Variants in MAGI2 observed in about 807,000 individuals in gnomAD.
The protein encoded by MAGI2 is membrane-associated guanylate kinase, WW and PDZ domain-containing protein 2.
A neutral mutation model predicts 133.3 loss-of-function variants in MAGI2; 35 were observed. The observed-to-expected ratio is 0.26, with a 90% CI of 0.20 to 0.35. The LOEUF is 0.35. MAGI2 is among the 10% of genes least tolerant of loss of function. MAGI2 has a pLI of 1.00. For synonymous variants in MAGI2, 729 were observed against 710.6 expected, an observed-to-expected ratio of 1.03 and a Z score of -0.41; for missense variants, 1,636 against 1,863.4, an observed-to-expected ratio of 0.88 and a Z score of 2.25.
chr7:78,494,632 TC>T (rs1169466407), intron 5 of MAGI2, among the ~76,000 whole-genome samples: 1 of 152,214 alleles, frequency 6.6e-6, no homozygotes, highest in African/African-American at 2.4e-5. Flanking sequence ...CTTTCTGTTT[TC>T]TTTTCTTCTT....
intron 16 of MAGI2, among the ~76,000 whole-genome samples, chr7:78,140,087 G>A (rs780854469): frequency 6.7e-4 from 102 of 152,132 alleles, no homozygotes; most frequent in Non-Finnish European, 1.3e-3. Flanking sequence ...TCTCTTCTGG[G>A]ACCTTGTATA....
chr7:78,446,286 TAATTTTTAA>T (rs1384051552), intron 6 of MAGI2, among the ~76,000 whole-genome samples: 5 of 152,166 alleles, frequency 3.3e-5, no homozygotes, highest in African/African-American at 1.2e-4. Context: ...TCTCAAGACT[TAATTTTTAA>T]AATTTTTAAA....
intron 1 of MAGI2, among the ~76,000 whole-genome samples, chr7:79,419,181 T>C (rs1346623604): frequency 1.3e-5 from 2 of 152,072 alleles, no homozygotes; most frequent in African/African-American, 4.8e-5. Flanking sequence ...ATCTCTTGTT[T>C]TCTCCTTTGT....
chr7:78,127,281 G>A lies in MAGI2; in HGVS notation c.3339C>T (p.Asp1113=), dbSNP rs1418496465. The A allele has an allele frequency of 6.2e-7, 1 of 1,608,060 alleles. No homozygotes were observed. Residue 1113 remains aspartate, a synonymous_variant, in exon 19 of 22, where the codon GAC becomes GAT. Coordinates refer to ENST00000354212, the MANE Select transcript of MAGI2 (RefSeq NM_012301.4). ...GGDYQQPPPL[D]YRQPPLLDYR... is the part of the protein sequence containing the mutation. ...AGTCCAGTAGGGGAGGCTGCCTGTAGTCCAAGGGTGGGGGCTGCTGGTAGT... is the reference window on the plus strand; with the variant it reads ...AGTCCAGTAGGGGAGGCTGCCTGTAATCCAAGGGTGGGGGCTGCTGGTAGT...
chr7:79,429,339 G>C (rs1023161211), intron 1 of MAGI2, among the ~76,000 whole-genome samples: 1 of 151,536 alleles, frequency 6.6e-6, no homozygotes, highest in Non-Finnish European at 1.5e-5. Flanking sequence ...GTCTCACTCT[G>C]TCACCCAGGC....
chr7:79,283,162 G>A (rs1020701717), intron 1 of MAGI2, among the ~76,000 whole-genome samples: 5 of 151,848 alleles, frequency 3.3e-5, no homozygotes, highest in African/African-American at 9.7e-5. Context: ...GTTCCCTCAG[G>A]GTTCAGAAAT....
chr7:79,444,153 G>A (rs1165861043), intron 1 of MAGI2, among the ~76,000 whole-genome samples: 2 of 152,106 alleles, frequency 1.3e-5, no homozygotes, highest in African/African-American at 4.8e-5. Flanking sequence ...AGGTATTGAT[G>A]GGACGTATCT....
At chr7:79,057,362 G>A (rs1054780259) in intron 1 of MAGI2, among the ~76,000 whole-genome samples, 1 of 152,078 alleles carries the variant, frequency 6.6e-6, no homozygotes, top group Admixed American at 6.5e-5. Flanking sequence ...ATTGAAAAAT[G>A]CTTCCCAATT....
intron 2 of MAGI2, among the ~76,000 whole-genome samples, chr7:78,636,731 G>C (rs936946265): frequency 1.3e-5 from 2 of 152,098 alleles, no homozygotes; most frequent in Non-Finnish European, 2.9e-5. Context: ...CCGGGAGGCG[G>C]GGTTTACAGT....
intron 1 of MAGI2, among the ~76,000 whole-genome samples, chr7:79,058,447 C>T (rs1289935949): frequency 6.6e-6 from 1 of 152,090 alleles, no homozygotes; most frequent in Non-Finnish European, 1.5e-5. Context: ...ATAGTAAGAG[C>T]TGGACATGTA....
At chr7:79,422,834 A>G (rs375351971) in intron 1 of MAGI2, among the ~76,000 whole-genome samples, 13 of 152,190 alleles carry the variant, frequency 8.5e-5, no homozygotes, top group African/African-American at 2.4e-4. Flanking sequence ...ATAGAATGCC[A>G]AGGTAGATAG....
intron 1 of MAGI2, among the ~76,000 whole-genome samples, chr7:79,420,731 A>G (rs1278847566): frequency 6.6e-6 from 1 of 151,968 alleles, no homozygotes; most frequent in Non-Finnish European, 1.5e-5. Flanking sequence ...TTCATGGTCC[A>G]CTAATATTTA....
intron 1 of MAGI2, among the ~76,000 whole-genome samples, chr7:79,151,690 G>A (rs1172560054): frequency 6.6e-6 from 1 of 152,114 alleles, no homozygotes; most frequent in Non-Finnish European, 1.5e-5. Context: ...CTGGACTTCA[G>A]CAGAACATAA....
chr7:78,829,373 G>T (rs1790938807), intron 2 of MAGI2, among the ~76,000 whole-genome samples: 2 of 151,830 alleles, frequency 1.3e-5, no homozygotes, highest in Admixed American at 1.3e-4. Flanking sequence ...TTTTTGAATT[G>T]AAGTTCATGA....
At chr7:78,282,982 CAAGAAATAAT>C (rs1274792059) in intron 9 of MAGI2, among the ~76,000 whole-genome samples, 2 of 151,956 alleles carry the variant, frequency 1.3e-5, no homozygotes, top group African/African-American at 4.8e-5. Context: ...AGGCTGAACT[CAAGAAATAAT>C]AAGATATGAC....
intron 3 of MAGI2, among the ~76,000 whole-genome samples, chr7:78,559,136 C>CAAAAAAAAAAAAAAAAAAAA (rs71085541): frequency 1.8e-5 from 1 of 54,726 alleles, no homozygotes; most frequent in Non-Finnish European, 3.0e-5. Context: ...TCTGAATTTC[C>CAAAAAAAAAAAAAAAAAAAA]AAAAAAAAAA....
intron 1 of MAGI2, among the ~76,000 whole-genome samples, chr7:79,049,642 A>T (rs1812496518): frequency 6.6e-6 from 1 of 151,958 alleles, no homozygotes; most frequent in African/African-American, 2.4e-5. Flanking sequence ...TGTAATTTTT[A>T]ATTGCTAAAA....
At chr7:78,046,962 A>G (rs1448466263) in intron 21 of MAGI2, among the ~76,000 whole-genome samples, 1 of 152,252 alleles carries the variant, frequency 6.6e-6, no homozygotes, top group Non-Finnish European at 1.5e-5. Flanking sequence ...ATTAAATATT[A>G]AATATATTAA....
intron 4 of MAGI2, chr7:78,519,031 C>T (rs903881374): frequency 6.6e-6 from 1 of 151,914 alleles, no homozygotes; most frequent in African/African-American, 2.4e-5. Context: ...AGCCTCCGCA[C>T]CTGGCTAGGA....
Sources: gnomAD v4.1 joint callset for allele counts (sites outside exome capture counted in the v4.1 genomes callset) on GRCh38, gnomAD v4.1.1 for gene constraint, MANE v1.5 for transcripts, NCBI Gene and HGNC (gene_info 2026-07-23, HGNC 2026-07-21) for gene names.